The following AKAP19 variants were observed in gnomAD, a reference collection of about 807,000 sequenced individuals.
AKAP19 encodes A-kinase anchoring protein 19.
chr2:190,108,785 T>G, the AKAP19 span, among the ~76,000 whole-genome samples: 1 of 117,636 alleles, frequency 8.5e-6, no homozygotes, highest in African/African-American at 4.9e-5. Flanking sequence ...TGTTTGCGGT[T>G]TTTTTTTTTT....
chr2:189,928,263 G>T, the AKAP19 span, among the ~76,000 whole-genome samples: 3 of 151,978 alleles, frequency 2.0e-5, no homozygotes, highest in African/African-American at 4.8e-5. Context: ...ATATTTGAAG[G>T]CCCATTGTAT....
chr2:190,013,063 C>T, the AKAP19 span, among the ~76,000 whole-genome samples: 11 of 152,006 alleles, frequency 7.2e-5, no homozygotes, highest in Non-Finnish European at 1.2e-4. Context: ...ATATACTGGC[C>T]CATAATTTTC....
At chr2:190,200,111 A>G in the AKAP19 span, 2 of 1,614,078 alleles carry the variant, frequency 1.2e-6, no homozygotes, top group Admixed American at 1.7e-5. Context: ...AACATCAAGT[A>G]CCATGACATT....
the AKAP19 span, among the ~76,000 whole-genome samples, chr2:189,967,265 T>C: frequency 6.6e-6 from 1 of 152,200 alleles, no homozygotes; most frequent in South Asian, 2.1e-4. Context: ...ATGTGGACCA[T>C]AGCCACCTAT....
the AKAP19 span, among the ~76,000 whole-genome samples, chr2:189,978,548 C>A: frequency 2.0e-5 from 3 of 152,086 alleles, no homozygotes; most frequent in Non-Finnish European, 4.4e-5. Context: ...ACCTTGGAGG[C>A]GAAGTTTGCA....
chr2:189,978,782 T>C, the AKAP19 span, among the ~76,000 whole-genome samples: 150,275 of 152,160 alleles, frequency 0.99, 74,234 homozygotes, highest in East Asian at 1. Flanking sequence ...TTTCCATACA[T>C]CAATAGCATC....
the AKAP19 span, among the ~76,000 whole-genome samples, chr2:190,069,264 A>G: frequency 3.3e-5 from 5 of 151,268 alleles, no homozygotes; most frequent in South Asian, 2.1e-4. Context: ...TAATAAATTT[A>G]TTTTCATTAT....
chr2:189,887,885 A>C, the AKAP19 span, among the ~76,000 whole-genome samples: 1 of 151,624 alleles, frequency 6.6e-6, no homozygotes, highest in East Asian at 1.9e-4. Context: ...GATTGCAAAA[A>C]TTTTCTCCCA....
At chr2:189,976,751 T>A in the AKAP19 span, among the ~76,000 whole-genome samples, 1 of 152,216 alleles carries the variant, frequency 6.6e-6, no homozygotes, top group Non-Finnish European at 1.5e-5. Flanking sequence ...TTAGTGAGGC[T>A]CTGTGGGCTT....
chr2:189,880,861 C>T, the AKAP19 span, among the ~76,000 whole-genome samples: 148 of 152,234 alleles, frequency 9.7e-4, no homozygotes, highest in African/African-American at 3.4e-3. Context: ...AGTAATGATA[C>T]TAAAATATTT....
the AKAP19 span, among the ~76,000 whole-genome samples, chr2:190,119,217 T>C: frequency 1.3e-5 from 2 of 152,114 alleles, no homozygotes; most frequent in Non-Finnish European, 2.9e-5. Flanking sequence ...GAAAGTTTAA[T>C]AGGCAAGAAA....
the AKAP19 span, chr2:190,201,913 T>C: frequency 6.0e-6 from 1 of 167,044 alleles, no homozygotes; most frequent in Non-Finnish European, 1.5e-5. Context: ...TTGTTTTTCA[T>C]TCATTTTGCA....
the AKAP19 span, among the ~76,000 whole-genome samples, chr2:190,109,400 C>T: frequency 7.2e-5 from 11 of 152,130 alleles, no homozygotes; most frequent in African/African-American, 2.2e-4. Flanking sequence ...CACACAGACA[C>T]CTTCCTAATC....
At chr2:189,966,540 G>A in the AKAP19 span, among the ~76,000 whole-genome samples, 1 of 152,198 alleles carries the variant, frequency 6.6e-6, no homozygotes, top group Non-Finnish European at 1.5e-5. Context: ...ATGGGAAGAG[G>A]AGGCAAGAGG....
At chr2:190,112,189 G>A in the AKAP19 span, among the ~76,000 whole-genome samples, 3 of 152,174 alleles carry the variant, frequency 2.0e-5, no homozygotes, top group Non-Finnish European at 4.4e-5. Flanking sequence ...GCATGAGAAC[G>A]TGGTGTACCC....
At chr2:190,150,857 A>G in the AKAP19 span, among the ~76,000 whole-genome samples, 1 of 151,140 alleles carries the variant, frequency 6.6e-6, no homozygotes, top group South Asian at 2.1e-4. Context: ...ATAATGTACT[A>G]TAGGAGTTTT....
the AKAP19 span, among the ~76,000 whole-genome samples, chr2:190,053,986 G>T: frequency 6.6e-6 from 1 of 152,040 alleles, no homozygotes; most frequent in Non-Finnish European, 1.5e-5. Flanking sequence ...ATATGTTATT[G>T]CACTTAAGGA....
the AKAP19 span, among the ~76,000 whole-genome samples, chr2:190,009,067 G>A: frequency 6.6e-6 from 1 of 152,102 alleles, no homozygotes; most frequent in Admixed American, 6.6e-5. Context: ...GCAGTAAAAG[G>A]AAGATATCTG....
At chr2:189,889,370 A>G in the AKAP19 span, among the ~76,000 whole-genome samples, 44 of 152,312 alleles carry the variant, frequency 2.9e-4, no homozygotes, top group African/African-American at 1.0e-3. Flanking sequence ...ATTGATGTTC[A>G]TCAGTGATAT....
Sources: allele counts gnomAD v4.1 joint callset (sites outside exome capture counted in the v4.1 genomes callset), GRCh38; gene constraint gnomAD v4.1.1; transcripts MANE v1.5; gene names NCBI Gene and HGNC (gene_info 2026-07-23, HGNC 2026-07-21).